COG7: variants seen among roughly 807,000 people sequenced by gnomAD.
COG7 encodes the protein component of oligomeric golgi complex 7.
A neutral mutation model predicts 91.5 loss-of-function variants in COG7; 49 were observed. The ratio of observed to expected loss-of-function variants is 0.54; its 90% CI spans 0.43 to 0.68. COG7 has a LOEUF of 0.68. Among genes scored for constraint, COG7 ranks in the 30% least tolerant of loss-of-function variants. The probability of loss-of-function intolerance (pLI) is 0.00; values close to 1 mark genes in which losing one functional copy is unlikely to be tolerated. For synonymous variants in COG7, 365 were observed against 388.7 expected (o/e 0.94, Z 0.72); for missense variants, 895 against 961.3 (o/e 0.93, Z 0.91).
chr16:23,395,310 G>A (rs1047109325), intron 14 of COG7, among the ~76,000 whole-genome samples: 2 of 152,056 alleles, frequency 1.3e-5, no homozygotes, highest in Non-Finnish European at 2.9e-5. Context: ...GCTGATTTCT[G>A]GTGTTGGAAT....
chr16:23,409,502 A>T (rs1963528680), intron 11 of COG7, among the ~76,000 whole-genome samples: 2 of 152,154 alleles, frequency 1.3e-5, no homozygotes, highest in Admixed American at 1.3e-4. Flanking sequence ...TAAAAATTTC[A>T]TCACCCAGAG....
intron 7 of COG7, among the ~76,000 whole-genome samples, chr16:23,420,658 A>G (rs1963739680): frequency 6.6e-6 from 1 of 152,200 alleles, no homozygotes; most frequent in Non-Finnish European, 1.5e-5. Context: ...GGTTTTGTAG[A>G]GATTAGGTAA....
chr16:23,448,257 C>T (rs146807892), intron 1 of COG7, among the ~76,000 whole-genome samples: 6 of 152,212 alleles, frequency 3.9e-5, no homozygotes, highest in South Asian at 2.1e-4. Context: ...AGGCTGATCC[C>T]GATCTATTTA....
At chr16:23,408,082 T>A (rs1278249556) in intron 11 of COG7, among the ~76,000 whole-genome samples, 1 of 98,274 alleles carries the variant, frequency 1.0e-5, no homozygotes, top group Non-Finnish European at 2.0e-5. Flanking sequence ...GAGGTAGGGG[T>A]GAGTAAAGTG....
intron 10 of COG7, chr16:23,412,615 A>T (rs1276928328): frequency 6.6e-6 from 1 of 152,254 alleles, no homozygotes; most frequent in Non-Finnish European, 1.5e-5. Context: ...CTAGTGGCCC[A>T]CAGGCCACAC....
In COG7 at chr16:23,425,961, C is replaced by T. The variant is rs577094701; in HGVS notation, c.811-1014G>A. ...AGGTGTGGTGGCTCATGCCTGTAAT[C>T]CCAGCACTTTTGGAGGCCTAGGTAG... On this transcript the variant is annotated intron_variant, in intron 6 of 16. Transcript: ENST00000307149. Among the ~76,000 whole-genome samples, 6 of 152,232 alleles carry T rather than the reference C, an allele frequency of 3.9e-5. No homozygotes were observed. In the East Asian group the frequency reaches 1.2e-3, roughly 29 times the overall value.
chr16:23,434,230 G>A (rs765591138), intron 5 of COG7, among the ~76,000 whole-genome samples: 1 of 152,072 alleles, frequency 6.6e-6, no homozygotes, highest in Non-Finnish European at 1.5e-5. Context: ...CACCATGATC[G>A]GATCTGTGAA....
rs149533590 is a variant in COG7 at position 23,417,054 on chromosome 16, G to A, written c.1205C>T (p.Ala402Val). The A allele has an allele frequency of 1.4e-4, 219 of 1,614,052 alleles. No homozygotes were observed. The highest frequency in any genetic ancestry group is 1.6e-4 in the Non-Finnish European group (194 of 1,180,022). Residue 402 changes from alanine to valine, a missense_variant, in exon 9 of 17, where the codon GCG (alanine) becomes GTG (valine). Coordinates refer to ENST00000307149, the MANE Select transcript of COG7 (RefSeq NM_153603.4). ...SHSVNKLFGLASAAVDRCVRF... is the reference protein window; with the variant it reads ...SHSVNKLFGLVSAAVDRCVRF... ...GACGCATCTGTCAACGGCTGCAGAC[G>A]CCAGACCAAACAGCTTGTTCACGGA...
intron 16 of COG7, 24 bp downstream of exon 16, chr16:23,392,356 A>C (rs201760021): frequency 8.1e-6 from 13 of 1,614,000 alleles, no homozygotes; most frequent in Non-Finnish European, 1.1e-5. Flanking sequence ...TGTCCCTCCC[A>C]CCGCCTGTCT....
At position 23,410,377 on chromosome 16, in the gene COG7, G is replaced by T. The variant is rs373102854; in HGVS notation, c.1410-17C>A. On this transcript the variant is annotated splice_polypyrimidine_tract_variant and intron_variant, in intron 10 of 16. Transcript: ENST00000307149. ...GCTATTATCCTAAACAAAACAAAAA[G>T]CACTTCAAGTTCAAGTATCTGGAAT... is the stretch of plus-strand genomic sequence containing the variant. The T allele has an allele frequency of 2.3e-4, 363 of 1,610,360 alleles. No homozygotes were observed. The highest frequency in any genetic ancestry group is 2.8e-4 in the Non-Finnish European group (329 of 1,177,122).
intron 11 of COG7, among the ~76,000 whole-genome samples, chr16:23,407,576 TCAGCCAA>T (rs1215774416): frequency 1.3e-5 from 2 of 152,224 alleles, no homozygotes; most frequent in Non-Finnish European, 2.9e-5. Context: ...CTCTGCGCCA[TCAGCCAA>T]TGGCAGAGCT....
chr16:23,412,239 C>G (rs763101466), intron 10 of COG7: 1 of 152,210 alleles, frequency 6.6e-6, no homozygotes, highest in Non-Finnish European at 1.5e-5. Flanking sequence ...AGAGCCTAAT[C>G]GTATCACTAT....
Position 23,452,864 on chromosome 16 carries a change from A to T in COG7, c.131T>A (p.Leu44Gln). Residue 44 changes from leucine to glutamine, a missense_variant, in exon 1 of 17, where the codon CTG (leucine) becomes CAG (glutamine). Coordinates refer to ENST00000307149, the MANE Select transcript of COG7 (RefSeq NM_153603.4). ...DGHAATLVMK[L>Q]QLFIQEVNHA... ...GTTCACCTCTTGGATGAACAGCTGCAGCTTCATCACCAGGGTGGCTGCGTG... is the reference window on the plus strand; with the variant it reads ...GTTCACCTCTTGGATGAACAGCTGCTGCTTCATCACCAGGGTGGCTGCGTG... 1 of 1,613,860 alleles carries T rather than the reference A, an allele frequency of 6.2e-7. No individual in the cohort carries two copies. The highest frequency in any genetic ancestry group is 1.3e-5 in the African/African-American group (1 of 75,064).
At chr16:23,391,216 G>T (rs1474229698) in intron 16 of COG7, among the ~76,000 whole-genome samples, 1 of 152,242 alleles carries the variant, frequency 6.6e-6, no homozygotes, top group Non-Finnish European at 1.5e-5. Context: ...AATGAGTGAA[G>T]AAATGAATCT....
rs756656603 is a variant in COG7, at chr16:23,445,178, G to A, written c.319-14C>T. The A allele has an allele frequency of 3.8e-6, 6 of 1,586,068 alleles. No homozygotes were observed. The highest frequency in any genetic ancestry group is 1.7e-5 in the Admixed American group (1 of 59,968). On this transcript the variant is annotated splice_polypyrimidine_tract_variant and intron_variant, in intron 2 of 16. Coordinates refer to ENST00000307149, the MANE Select transcript of COG7 (RefSeq NM_153603.4). ...TTCTACCAACACCTGAAAGAGGCGT[G>A]AGGGGTGAAAAATGAAGGGGTAGGT...
chr16:23,449,168 T>G (rs917362683), intron 1 of COG7, among the ~76,000 whole-genome samples: 2 of 150,568 alleles, frequency 1.3e-5, no homozygotes, highest in Non-Finnish European at 3.0e-5. Flanking sequence ...TCGAGACCAT[T>G]CTGGCTAACA....
At chr16:23,393,390 C>T (rs559274282) in intron 14 of COG7, 43 bp from the exon 15 acceptor site, 33 of 1,443,270 alleles carry the variant, frequency 2.3e-5, no homozygotes, top group South Asian at 3.4e-5. Context: ...TTGACACATA[C>T]GGGTTATTAC....
In COG7 at chr16:23,434,619, C is replaced by T. The variant is rs780865695; in HGVS notation, c.687+17G>A. On this transcript the variant is annotated intron_variant, in intron 5 of 16. Coordinates refer to ENST00000307149, the MANE Select transcript of COG7 (RefSeq NM_153603.4). ...CATTCCACAACTGCACAACTGTCAT[C>T]GCGCACAGCTTCTTACCTTGTGACA... 6.3e-6 allele frequency: 10 copies of T among 1,594,606 alleles called. No individual in the cohort carries two copies. The East Asian group carries it at 6.7e-5, about 11-fold the overall frequency.
intron 14 of COG7, 87 bp from the exon 15 acceptor site, chr16:23,393,434 G>C: frequency 9.8e-7 from 1 of 1,024,710 alleles, no homozygotes; most frequent in Middle Eastern, 2.0e-4. Flanking sequence ...GCAAACGGCA[G>C]AGAGACAAAA....
Sources: allele counts gnomAD v4.1 joint callset (sites outside exome capture counted in the v4.1 genomes callset), GRCh38; gene constraint gnomAD v4.1.1; transcripts MANE v1.5; gene names NCBI Gene and HGNC (gene_info 2026-07-23, HGNC 2026-07-21).